Variants in MAGI2 observed in about 807,000 individuals in gnomAD.
The protein encoded by MAGI2 is membrane-associated guanylate kinase, WW and PDZ domain-containing protein 2.
A neutral mutation model predicts 133.3 loss-of-function variants in MAGI2; 35 were observed. The ratio of observed to expected loss-of-function variants is 0.26; its 90% CI spans 0.20 to 0.35. The LOEUF (loss-of-function observed/expected upper bound fraction) is 0.35. Ranked by LOEUF, MAGI2 falls within the 10% of genes least tolerant of loss-of-function variation. The pLI is 1.00. For missense variants in MAGI2, 1,636 were observed against 1,863.4 expected (o/e 0.88, Z 2.25); for synonymous variants, 729 against 710.6 (o/e 1.03, Z -0.41).
Position 78,147,416 on chromosome 7 carries a change from G to A in MAGI2, c.2846-12210C>T, listed in dbSNP as rs183158152. ...ACTTCATTTGGATTTCTGCTTATAT[G>A]TACTTTCTCTCATGACTTATATTTT... is the stretch of plus-strand genomic sequence containing the variant. On this transcript the variant is annotated intron_variant, in intron 16 of 21. Coordinates refer to ENST00000354212, the MANE Select transcript of MAGI2 (RefSeq NM_012301.4). Among the ~76,000 whole-genome samples, 4 of 152,190 alleles carry A rather than the reference G, an allele frequency of 2.6e-5. No homozygotes were observed. The East Asian group carries it at 7.7e-4, about 29-fold the overall frequency.
chr7:79,077,281 G>T (rs1208470925), intron 1 of MAGI2, among the ~76,000 whole-genome samples: 1 of 151,838 alleles, frequency 6.6e-6, no homozygotes, highest in Admixed American at 6.6e-5. Flanking sequence ...TTTTTGGGCC[G>T]GCGCGGTGGC....
intron 1 of MAGI2, among the ~76,000 whole-genome samples, chr7:79,301,375 T>A (rs1318455076): frequency 6.6e-6 from 1 of 152,232 alleles, no homozygotes; most frequent in African/African-American, 2.4e-5. Context: ...TTTGCACCAA[T>A]GTGCCCTGGA....
At chr7:79,228,597 G>A (rs1228017585) in intron 1 of MAGI2, among the ~76,000 whole-genome samples, 2 of 152,002 alleles carry the variant, frequency 1.3e-5, no homozygotes, top group Non-Finnish European at 2.9e-5. Context: ...CATGACACAA[G>A]CACTCTCTTC....
chr7:78,126,227 A>G (rs1820970752), intron 19 of MAGI2, among the ~76,000 whole-genome samples: 1 of 75,784 alleles, frequency 1.3e-5, no homozygotes, highest in African/African-American at 5.9e-5. Context: ...TGTGTGTACA[A>G]ATTACAGAGT....
chr7:78,494,370 G>A (rs1456349340), intron 5 of MAGI2, among the ~76,000 whole-genome samples: 1 of 152,080 alleles, frequency 6.6e-6, no homozygotes, highest in Non-Finnish European at 1.5e-5. Context: ...GGTCTTAGAA[G>A]CTATATTAAA....
chr7:79,446,040 G>T (rs1488833831), intron 1 of MAGI2, among the ~76,000 whole-genome samples: 1 of 152,084 alleles, frequency 6.6e-6, no homozygotes. Context: ...GCTGGAAACC[G>T]TCATTCTCAG....
chr7:78,701,320 C>T (rs1818048544), intron 2 of MAGI2, among the ~76,000 whole-genome samples: 2 of 151,810 alleles, frequency 1.3e-5, no homozygotes, highest in African/African-American at 2.4e-5. Flanking sequence ...ACACTGGGTA[C>T]ATTTGGCATG....
At chr7:79,141,872 A>G (rs530579272) in intron 1 of MAGI2, among the ~76,000 whole-genome samples, 1 of 152,246 alleles carries the variant, frequency 6.6e-6, no homozygotes, top group South Asian at 2.1e-4. Flanking sequence ...TAGGATACCT[A>G]TGTCTTGAAT....
chr7:78,713,414 A>C (rs1326014557), intron 2 of MAGI2, among the ~76,000 whole-genome samples: 1 of 152,160 alleles, frequency 6.6e-6, no homozygotes, highest in Non-Finnish European at 1.5e-5. Context: ...AAAGACAAAC[A>C]TGTGGCGTAA....
chr7:78,650,008 T>G (rs1416949000), intron 2 of MAGI2, among the ~76,000 whole-genome samples: 11 of 152,098 alleles, frequency 7.2e-5, no homozygotes, highest in Non-Finnish European at 1.6e-4. Flanking sequence ...AGATTGTGAG[T>G]GTCTAACAAG....
At chr7:78,268,951 A>T (rs1056258455) in intron 9 of MAGI2, among the ~76,000 whole-genome samples, 3 of 152,054 alleles carry the variant, frequency 2.0e-5, no homozygotes, top group African/African-American at 7.2e-5. Context: ...CCACCCACTG[A>T]CAAGCCCCGG....
At chr7:79,383,460 T>C (rs968853822) in intron 1 of MAGI2, among the ~76,000 whole-genome samples, 2 of 151,590 alleles carry the variant, frequency 1.3e-5, no homozygotes, top group African/African-American at 4.8e-5. Context: ...CCTAGTCATA[T>C]GGATAAGGAC....
At chr7:79,157,972 G>GTGTGTGTGTGTGTGTGTGTC (rs1384745090) in intron 1 of MAGI2, among the ~76,000 whole-genome samples, 1 of 145,862 alleles carries the variant, frequency 6.9e-6, no homozygotes, top group African/African-American at 2.5e-5. Flanking sequence ...GTGTGTGTGT[G>GTGTGTGTGTGTGTGTGTGTC]TGTGTATTTA....
intron 9 of MAGI2, among the ~76,000 whole-genome samples, chr7:78,290,912 G>C (rs1796637847): frequency 6.6e-6 from 1 of 152,168 alleles, no homozygotes; most frequent in Non-Finnish European, 1.5e-5. Context: ...CAACATACCA[G>C]AATCTCTGGG....
intron 6 of MAGI2, among the ~76,000 whole-genome samples, chr7:78,465,452 A>G (rs1790521801): frequency 6.6e-6 from 1 of 152,218 alleles, no homozygotes; most frequent in Admixed American, 6.5e-5. Context: ...GCATTTCATT[A>G]TGAGAAATCC....
At chr7:78,673,016 T>C (rs972939084) in intron 2 of MAGI2, among the ~76,000 whole-genome samples, 1 of 152,306 alleles carries the variant, frequency 6.6e-6, no homozygotes, top group South Asian at 2.1e-4. Flanking sequence ...TCACTAAACA[T>C]CTATTGTCAA....
At chr7:78,035,708 A>G (rs1298057680) in intron 21 of MAGI2, among the ~76,000 whole-genome samples, 1 of 151,062 alleles carries the variant, frequency 6.6e-6, no homozygotes, top group Non-Finnish European at 1.5e-5. Flanking sequence ...GCTTCCTAAA[A>G]TACACCCTCT....
chr7:79,222,548 A>G (rs145985800), intron 1 of MAGI2, among the ~76,000 whole-genome samples: 5 of 152,064 alleles, frequency 3.3e-5, no homozygotes, highest in African/African-American at 9.7e-5. Flanking sequence ...GAGATTCTGC[A>G]TAATAAAAAC....
chr7:78,153,945 C>A (rs140389961), intron 16 of MAGI2, among the ~76,000 whole-genome samples: 135 of 152,308 alleles, frequency 8.9e-4, no homozygotes, highest in African/African-American at 3.0e-3. Context: ...TAGCTTGAAT[C>A]TCCTTGTTTT....
Sources: gnomAD v4.1 joint callset for allele counts (sites outside exome capture counted in the v4.1 genomes callset) on GRCh38, gnomAD v4.1.1 for gene constraint, MANE v1.5 for transcripts, NCBI Gene and HGNC (gene_info 2026-07-23, HGNC 2026-07-21) for gene names.